The following IGF1R variants were observed in gnomAD, a reference collection of about 807,000 sequenced individuals.
IGF1R encodes the protein insulin like growth factor 1 receptor.
Under a neutral mutation model 144.6 loss-of-function variants are expected in IGF1R, and 44 were observed. That is an observed-to-expected ratio of 0.30 (90% CI 0.24 to 0.39). The LOEUF (loss-of-function observed/expected upper bound fraction) is 0.39, where lower values mean the gene tolerates loss of function less well. IGF1R is among the 10% of genes least tolerant of loss of function. The probability of loss-of-function intolerance (pLI) is 1.00; values close to 1 mark genes in which losing one functional copy is unlikely to be tolerated. For missense variants in IGF1R, 1,355 were observed against 1,833.7 expected (o/e 0.74, Z 4.77); for synonymous variants, 795 against 722.8 (o/e 1.10, Z -1.60).
At chr15:98,780,417 C>T (rs565788923) in intron 2 of IGF1R, among the ~76,000 whole-genome samples, 5 of 151,674 alleles carry the variant, frequency 3.3e-5, no homozygotes, top group East Asian at 3.9e-4. Context: ...ACAGTGGTGG[C>T]GCATGCCTGT....
chr15:98,800,788 A>G (rs935166018), intron 2 of IGF1R, among the ~76,000 whole-genome samples: 22 of 152,222 alleles, frequency 1.4e-4, no homozygotes, highest in African/African-American at 4.6e-4. Flanking sequence ...CAGTTCCTGC[A>G]GCTGCTGGGG....
At position 98,957,474 on chromosome 15, in the gene IGF1R, C is replaced by A. The variant is rs768200688; in HGVS notation, c.*32C>A. 1.9e-6 allele frequency: 3 copies of A among 1,611,664 alleles called. No individual in the cohort carries two copies. The highest frequency in any genetic ancestry group is 1.3e-5 in the African/African-American group (1 of 74,892). On this transcript the variant is annotated 3_prime_UTR_variant, in exon 21 of 21. Coordinates refer to ENST00000650285, the MANE Select transcript of IGF1R (RefSeq NM_000875.5). ...GATCCTGAATCTGTGCAAACAGTAA[C>A]GTGTGCGCACGCGCAGCGGGGTGGG...
intron 2 of IGF1R, among the ~76,000 whole-genome samples, chr15:98,820,505 A>G (rs2056782120): frequency 1.3e-5 from 2 of 152,230 alleles, no homozygotes; most frequent in Non-Finnish European, 2.9e-5. Context: ...TGATAAGATA[A>G]TGATGCTCCC....
At position 98,961,491 on chromosome 15, in the gene IGF1R, C is replaced by A; in HGVS notation, c.*4049C>A. 4.3e-6 allele frequency: 1 copy of A among 233,532 alleles called. No individual in the cohort carries two copies. The highest frequency in any genetic ancestry group is 8.5e-6 in the Non-Finnish European group (1 of 118,034). 14.5% of individuals were successfully genotyped at this position (233,532 alleles called of 1,614,324 possible). A position where few individuals can be genotyped will look rare whatever the true frequency, so the allele number is the denominator to read the frequency against. ...TTGACTATACCAAGGCATCATCTATCCACAGTTCTAGCCTAACTTCATGCT... is the reference window on the plus strand; with the variant it reads ...TTGACTATACCAAGGCATCATCTATACACAGTTCTAGCCTAACTTCATGCT... On this transcript the variant is annotated 3_prime_UTR_variant, in exon 21 of 21. Transcript: ENST00000650285.
chr15:98,663,179 T>G (rs1245358999), intron 1 of IGF1R, among the ~76,000 whole-genome samples: 1 of 151,822 alleles, frequency 6.6e-6, no homozygotes, highest in Non-Finnish European at 1.5e-5. Flanking sequence ...GGGTCCTCGG[T>G]GTGAGGGGCT....
intron 1 of IGF1R, among the ~76,000 whole-genome samples, chr15:98,657,225 G>A (rs1406837094): frequency 6.6e-6 from 1 of 152,202 alleles, no homozygotes; most frequent in Non-Finnish European, 1.5e-5. Context: ...ATTAGGGAGA[G>A]ATGAATTTAT....
At chr15:98,913,480 A>G (rs2015113381) in intron 8 of IGF1R, among the ~76,000 whole-genome samples, 198 bp downstream of exon 8, 1 of 152,122 alleles carries the variant, frequency 6.6e-6, no homozygotes, top group Non-Finnish European at 1.5e-5. Flanking sequence ...CCTCGGTACT[A>G]TCTTCCATCA....
rs1567223797 is a variant in IGF1R at position 98,957,440 on chromosome 15, TG to T, written c.4103del (p.Ter1368TyrfsTer11). On this transcript the variant is annotated frameshift_variant and stop_lost, in exon 21 of 21. Transcript: ENST00000650285. LOFTEE classifies it high-confidence loss of function. ...GCCGCTGCCCCAGTCTTCGACCTGC[TG>T]ATCCTTGGATCCTGAATCTGTGCAA... is the stretch of plus-strand genomic sequence containing the variant. Reference protein sequence around the residue: ...ALPLPQSSTC* With the variant: ...ALPLPQSSTCX 1 of 1,612,978 alleles carries T rather than the reference TG, an allele frequency of 6.2e-7. No homozygotes were observed. Among genetic ancestry groups the T allele is most frequent in the Non-Finnish European group, 8.5e-7 (1 of 1,180,044 alleles).
Position 98,891,230 on chromosome 15 carries a change from T to C in IGF1R, c.641-95T>C. The stretch of plus-strand genomic sequence containing the variant: ...TCAATGAGTGATCTGGTGCTGGTGG[T>C]AGCAGTGAATGACCCAGAAGGATGC... On this transcript the variant is annotated intron_variant, in intron 2 of 20. Coordinates refer to ENST00000650285, the MANE Select transcript of IGF1R (RefSeq NM_000875.5). This position sits in a 1 kb window ranked among gnomAD's most constrained non-coding sequence, Gnocchi z 4.7. The C allele has an allele frequency of 9.1e-7, 1 of 1,098,916 alleles. No individual in the cohort carries two copies. The highest frequency in any genetic ancestry group is 1.3e-6 in the Non-Finnish European group (1 of 742,598). The allele number at this position is 1,098,916 out of a possible 1,614,324, so 68.1% of individuals were successfully genotyped here.
chr15:98,894,498 C>T (rs1373032921), intron 3 of IGF1R, among the ~76,000 whole-genome samples: 1 of 152,228 alleles, frequency 6.6e-6, no homozygotes, highest in Non-Finnish European at 1.5e-5. Context: ...TAAAAAGGAA[C>T]AAACCATTGA....
At chr15:98,804,975 C>A (rs2141444334) in intron 2 of IGF1R, among the ~76,000 whole-genome samples, 1 of 152,312 alleles carries the variant, frequency 6.6e-6, no homozygotes, top group East Asian at 1.9e-4. Flanking sequence ...GGATTACAGG[C>A]ATGAGCCGCC....
intron 12 of IGF1R, 91 bp from the exon 13 acceptor site, chr15:98,924,434 G>A: frequency 8.4e-7 from 1 of 1,191,530 alleles, no homozygotes; most frequent in South Asian, 1.2e-5. Flanking sequence ...AGATCAGGCA[G>A]CTGGAGTCCC....
At chr15:98,936,251 A>G (rs1410779829) in intron 17 of IGF1R, among the ~76,000 whole-genome samples, 1 of 152,166 alleles carries the variant, frequency 6.6e-6, no homozygotes, top group East Asian at 1.9e-4. Context: ...TTAGTTTCCT[A>G]AAAATTTCAC....
chr15:98,950,177 G>T (rs2016719240), intron 20 of IGF1R, among the ~76,000 whole-genome samples: 1 of 152,192 alleles, frequency 6.6e-6, no homozygotes, highest in East Asian at 1.9e-4. Context: ...AAGGCACCCA[G>T]CTCCTATCTC....
chr15:98,750,332 G>C (rs2054978905), intron 2 of IGF1R, among the ~76,000 whole-genome samples: 1 of 152,130 alleles, frequency 6.6e-6, no homozygotes, highest in Non-Finnish European at 1.5e-5. Flanking sequence ...AAGGGGGCTG[G>C]CCTCCCTGAT....
At chr15:98,917,059 C>T (rs2015286596) in intron 10 of IGF1R, 183 bp downstream of exon 10, 2 of 683,832 alleles carry the variant, frequency 2.9e-6, no homozygotes, top group East Asian at 2.8e-5. Flanking sequence ...CCAGTCAGCC[C>T]TGAAGGGAAC....
intron 19 of IGF1R, among the ~76,000 whole-genome samples, chr15:98,945,426 G>A (rs754212817): frequency 3.9e-5 from 6 of 152,172 alleles, no homozygotes; most frequent in South Asian, 2.1e-4. Context: ...ACTCACAGCC[G>A]CCGGTCTTCC....
chr15:98,669,336 C>T (rs2052826995), intron 1 of IGF1R, among the ~76,000 whole-genome samples: 1 of 152,198 alleles, frequency 6.6e-6, no homozygotes. Context: ...GTGAGGTTTT[C>T]TCTTCCCTTT....
chr15:98,841,516 A>G (rs1208124160), intron 2 of IGF1R, among the ~76,000 whole-genome samples: 1 of 152,164 alleles, frequency 6.6e-6, no homozygotes, highest in Non-Finnish European at 1.5e-5. Flanking sequence ...GTTTGGGGTC[A>G]CATGTGGTCT....
Sources: gnomAD v4.1 joint callset for allele counts (sites outside exome capture counted in the v4.1 genomes callset) on GRCh38, gnomAD v4.1.1 for gene constraint, Gnocchi (gnomAD v3.1) non-coding constraint, MANE v1.5 for transcripts, NCBI Gene and HGNC (gene_info 2026-07-23, HGNC 2026-07-21) for gene names.